The following GPHN variants were observed in gnomAD, a reference collection of about 807,000 sequenced individuals.
GPHN encodes gephyrin.
GPHN carries 17 observed loss-of-function variants against 95.5 expected under a neutral mutation model. That is an observed-to-expected ratio of 0.18 (90% CI 0.12 to 0.27). The LOEUF (loss-of-function observed/expected upper bound fraction) is 0.27, where lower values mean the gene tolerates loss of function less well. GPHN is among the 10% of genes least tolerant of loss of function. GPHN has a pLI of 1.00. For synonymous variants in GPHN, 320 were observed against 322.5 expected, an observed-to-expected ratio of 0.99 and a Z score of 0.08; for missense variants, 660 against 978.1, an observed-to-expected ratio of 0.67 and a Z score of 4.34.
At chr14:66,548,589 G>A (rs769030759) in intron 1 of GPHN, among the ~76,000 whole-genome samples, 2 of 152,134 alleles carry the variant, frequency 1.3e-5, no homozygotes, top group African/African-American at 4.8e-5. Flanking sequence ...CATCTCTCTC[G>A]CTGTCTCCTC....
chr14:67,541,751 T>G, the GPHN span: 1 of 916,634 alleles, frequency 1.1e-6, no homozygotes, highest in Non-Finnish European at 1.6e-6. Flanking sequence ...TCTCTGTCCT[T>G]TGGTCCCCTC....
chr14:67,319,610 T>TAAA, the GPHN span, among the ~76,000 whole-genome samples: 2 of 128,602 alleles, frequency 1.6e-5, no homozygotes, highest in Non-Finnish European at 1.7e-5. Context: ...GCTGATGAGC[T>TAAA]AAAAAAAAAA....
chr14:66,660,667 G>A (rs1470347822), intron 1 of GPHN, among the ~76,000 whole-genome samples: 1 of 152,114 alleles, frequency 6.6e-6, no homozygotes, highest in African/African-American at 2.4e-5. Context: ...AAGCAGCTAT[G>A]GTGTGTGGCT....
chr14:66,795,938 G>GT (rs1314505941), intron 3 of GPHN, among the ~76,000 whole-genome samples: 4 of 151,906 alleles, frequency 2.6e-5, no homozygotes, highest in Admixed American at 2.0e-4. Flanking sequence ...CATTCATTCT[G>GT]TTTTTTGTAC....
At chr14:67,302,541 GA>G in the GPHN span, 1 of 1,574,406 alleles carries the variant, frequency 6.4e-7, no homozygotes, top group Non-Finnish European at 8.6e-7. Flanking sequence ...AAATTCGGGG[GA>G]AAGATGTCAA....
At chr14:66,857,577 G>A (rs1404535180) in intron 4 of GPHN, among the ~76,000 whole-genome samples, 1 of 152,164 alleles carries the variant, frequency 6.6e-6, no homozygotes, top group Non-Finnish European at 1.5e-5. Context: ...CAAGAATAGA[G>A]ATAAAGAGGG....
chr14:66,955,030 T>C (rs1263787292), intron 8 of GPHN, among the ~76,000 whole-genome samples: 1 of 152,230 alleles, frequency 6.6e-6, no homozygotes, highest in Admixed American at 6.5e-5. Flanking sequence ...TTGTTAAGGA[T>C]ACTTGCATCT....
chr14:67,050,745 C>T lies in GPHN; in HGVS notation c.1007-7904C>T, dbSNP rs115145730. 3.0e-3 allele frequency among the ~76,000 whole-genome samples: 463 copies of T among 151,818 alleles called. 3 individuals are homozygous for T. The highest frequency in any genetic ancestry group is 0.011 in the African/African-American group (441 of 41,458). On this transcript the variant is annotated intron_variant, in intron 10 of 22. Transcript: ENST00000478722. ...CTCCCACGTAGAAGAATGAAAACAG[C>T]GAGTAAATCCTATGCCAGCAACTTG...
chr14:66,774,004 T>G (rs1412401457), intron 2 of GPHN, among the ~76,000 whole-genome samples: 1 of 96,214 alleles, frequency 1.0e-5, no homozygotes. Context: ...TTTTTTTTTT[T>G]TTTTTTTTTT....
At chr14:66,592,183 C>T (rs1484879138) in intron 1 of GPHN, among the ~76,000 whole-genome samples, 1 of 152,086 alleles carries the variant, frequency 6.6e-6, no homozygotes, top group Non-Finnish European at 1.5e-5. Context: ...AATGTAAGAC[C>T]TAAAACCATA....
At chr14:67,319,643 TCA>T in the GPHN span, among the ~76,000 whole-genome samples, 7 of 150,860 alleles carry the variant, frequency 4.6e-5, no homozygotes, top group African/African-American at 7.3e-5. Context: ...CAAAACAATC[TCA>T]CAGTGTTTTA....
intron 1 of GPHN, among the ~76,000 whole-genome samples, chr14:66,510,919 AG>A (rs2058018063): frequency 6.6e-6 from 1 of 152,170 alleles, no homozygotes; most frequent in African/African-American, 2.4e-5. Flanking sequence ...ACAGTAGTCT[AG>A]GGGGAAAAGT....
At chr14:67,361,329 T>C in the GPHN span, among the ~76,000 whole-genome samples, 1 of 152,254 alleles carries the variant, frequency 6.6e-6, no homozygotes, top group Non-Finnish European at 1.5e-5. Context: ...GGGGGTGACT[T>C]GTACAGAACT....
chr14:67,245,599 G>C, the GPHN span, among the ~76,000 whole-genome samples: 4 of 151,908 alleles, frequency 2.6e-5, no homozygotes, highest in African/African-American at 9.7e-5. Context: ...TGATTCTCCT[G>C]CCTCAGCCTC....
At chr14:67,004,169 A>G (rs1473933691) in intron 9 of GPHN, among the ~76,000 whole-genome samples, 1 of 151,772 alleles carries the variant, frequency 6.6e-6, no homozygotes, top group Non-Finnish European at 1.5e-5. Context: ...TCCTGTGTGC[A>G]TTTTACTTTT....
chr14:66,941,698 C>A (rs1243398199), intron 8 of GPHN, among the ~76,000 whole-genome samples: 4 of 149,572 alleles, frequency 2.7e-5, no homozygotes, highest in South Asian at 4.2e-4. Context: ...AAAAAAAAAA[C>A]TTGTTTCTCC....
At chr14:66,530,953 A>ATTTTTTTTTTTTT (rs569763873) in intron 1 of GPHN, among the ~76,000 whole-genome samples, 1 of 121,184 alleles carries the variant, frequency 8.3e-6, no homozygotes, top group African/African-American at 3.3e-5. Context: ...TGTTTGTTAG[A>ATTTTTTTTTTTTT]TTTTTTTTTT....
chr14:67,086,557 A>G (rs926668103), intron 11 of GPHN, among the ~76,000 whole-genome samples: 3 of 150,668 alleles, frequency 2.0e-5, no homozygotes, highest in African/African-American at 4.9e-5. Context: ...AGGCTAAGGC[A>G]GGAGAATGGC....
the GPHN span, among the ~76,000 whole-genome samples, chr14:67,352,384 T>C: frequency 6.8e-6 from 1 of 147,370 alleles, no homozygotes; most frequent in African/African-American, 2.5e-5. Context: ...GGTGGGAGGA[T>C]CACTGGAGCC....
Sources: gnomAD v4.1 joint callset for allele counts (sites outside exome capture counted in the v4.1 genomes callset) on GRCh38, gnomAD v4.1.1 for gene constraint, MANE v1.5 for transcripts, NCBI Gene and HGNC (gene_info 2026-07-23, HGNC 2026-07-21) for gene names.